Variants in CTNNA3 observed in about 807,000 individuals in gnomAD.
CTNNA3 encodes the protein catenin alpha-3.
A neutral mutation model predicts 95.7 loss-of-function variants in CTNNA3; 76 were observed. The observed-to-expected ratio is 0.79, with a 90% CI of 0.66 to 0.96. The LOEUF (loss-of-function observed/expected upper bound fraction) is 0.96, where lower values mean the gene tolerates loss of function less well. CTNNA3 is among the 40% of genes least tolerant of loss of function. The pLI is 0.00. For synonymous variants in CTNNA3, 431 were observed against 374.4 expected (o/e 1.15, Z -1.74); for missense variants, 1,191 against 1,089.8 (o/e 1.09, Z -1.31).
chr10:67,117,756 T>G (rs1366004222), intron 7 of CTNNA3, among the ~76,000 whole-genome samples: 1 of 152,016 alleles, frequency 6.6e-6, no homozygotes, highest in East Asian at 1.9e-4. Context: ...AAAAGTTTGA[T>G]AGTAAAATCA....
At chr10:66,702,772 C>G (rs1336513597) in intron 9 of CTNNA3, among the ~76,000 whole-genome samples, 1 of 137,764 alleles carries the variant, frequency 7.3e-6, no homozygotes, top group South Asian at 2.2e-4. Context: ...TAGCCATCGT[C>G]GTCGTCGTTG....
At chr10:67,726,702 T>TTATA (rs1564841433) in intron 1 of CTNNA3, among the ~76,000 whole-genome samples, 14 of 1,942 alleles carry the variant, frequency 7.2e-3, no homozygotes, top group Admixed American at 0.045. Context: ...TTATATATAA[T>TTATA]ATATATCATA....
chr10:67,352,138 G>A (rs1184617695), intron 5 of CTNNA3, among the ~76,000 whole-genome samples: 1 of 151,970 alleles, frequency 6.6e-6, no homozygotes, highest in African/African-American at 2.4e-5. Flanking sequence ...ATCTAAGTGT[G>A]ATGATAGAAG....
intron 7 of CTNNA3, among the ~76,000 whole-genome samples, chr10:66,906,921 T>A (rs1315352261): frequency 2.0e-5 from 3 of 152,088 alleles, no homozygotes; most frequent in African/African-American, 7.2e-5. Flanking sequence ...GAGCGACACA[T>A]ACAGGGAAGT....
intron 15 of CTNNA3, among the ~76,000 whole-genome samples, chr10:66,028,823 T>C (rs1283399620): frequency 6.6e-6 from 1 of 151,952 alleles, no homozygotes; most frequent in Non-Finnish European, 1.5e-5. Flanking sequence ...TAAACCCAAA[T>C]AAAATTCTCC....
intron 7 of CTNNA3, among the ~76,000 whole-genome samples, chr10:66,843,984 A>G (rs544975264): frequency 6.6e-6 from 1 of 152,338 alleles, no homozygotes; most frequent in East Asian, 1.9e-4. Flanking sequence ...TTGGAGAACA[A>G]TAATATCTCT....
chr10:66,739,357 C>A (rs1257012896), intron 9 of CTNNA3, among the ~76,000 whole-genome samples: 1 of 152,176 alleles, frequency 6.6e-6, no homozygotes, highest in Admixed American at 6.5e-5. Flanking sequence ...GATGCTGATG[C>A]TGCTGCTCTG....
At chr10:66,721,202 G>A (rs1848618391) in intron 9 of CTNNA3, among the ~76,000 whole-genome samples, 1 of 152,096 alleles carries the variant, frequency 6.6e-6, no homozygotes, top group Non-Finnish European at 1.5e-5. Context: ...GGTGTGGAAG[G>A]CATTTTCTGG....
chr10:66,566,741 A>C (rs999154618), intron 10 of CTNNA3, among the ~76,000 whole-genome samples: 3 of 151,922 alleles, frequency 2.0e-5, no homozygotes, highest in African/African-American at 7.3e-5. Context: ...AATCATCCAA[A>C]AATGTCAAAA....
intron 17 of CTNNA3, among the ~76,000 whole-genome samples, chr10:65,958,453 TAGG>T (rs1564540229): frequency 1.3e-5 from 2 of 152,206 alleles, no homozygotes; most frequent in African/African-American, 2.4e-5. Flanking sequence ...CGTTCCTTTG[TAGG>T]AGAAGAGATG....
rs903642584 is a variant in CTNNA3, at chr10:66,494,172, T to C, written c.1531+26445A>G. Among the ~76,000 whole-genome samples, 7 of 152,082 alleles carry C rather than the reference T, an allele frequency of 4.6e-5. 1 individual carries two copies. The South Asian group carries it at 1.5e-3, about 32-fold the overall frequency. On this transcript the variant is annotated intron_variant, in intron 11 of 17. Transcript: ENST00000433211. ...ATCCACCCGCCTCGACCTCCCAAAG[T>C]GCTGGGATTACAGGCGTGAGCCACT...
intron 5 of CTNNA3, among the ~76,000 whole-genome samples, chr10:67,267,024 T>C (rs145205082): frequency 1.3e-5 from 2 of 152,322 alleles, no homozygotes; most frequent in South Asian, 4.1e-4. Context: ...CATGCTTTTT[T>C]ACTTCAGATA....
intron 12 of CTNNA3, among the ~76,000 whole-genome samples, chr10:66,314,149 C>T (rs564212638): frequency 6.6e-6 from 1 of 152,204 alleles, no homozygotes; most frequent in East Asian, 1.9e-4. Flanking sequence ...CATCATAGCT[C>T]ACATGTTCTT....
At chr10:67,197,698 G>A (rs10159754) in intron 6 of CTNNA3, among the ~76,000 whole-genome samples, 4,127 of 152,096 alleles carry the variant, frequency 0.027, 135 homozygotes, top group African/African-American at 0.089. Flanking sequence ...ACCAACTAAA[G>A]ATGTTCTTGG....
intron 7 of CTNNA3, among the ~76,000 whole-genome samples, chr10:66,843,992 T>G (rs1843162020): frequency 6.6e-6 from 1 of 152,224 alleles, no homozygotes; most frequent in Non-Finnish European, 1.5e-5. Flanking sequence ...CAATAATATC[T>G]CTATTATAGC....
intron 13 of CTNNA3, among the ~76,000 whole-genome samples, chr10:66,237,331 G>T (rs183971354): frequency 3.9e-4 from 60 of 152,210 alleles, no homozygotes; most frequent in African/African-American, 1.4e-3. Context: ...TCTGTGGCTT[G>T]CTACTTGAAA....
At chr10:67,250,653 G>A (rs1866073575) in intron 5 of CTNNA3, among the ~76,000 whole-genome samples, 1 of 152,160 alleles carries the variant, frequency 6.6e-6, no homozygotes, top group Non-Finnish European at 1.5e-5. Flanking sequence ...ACTGTTGGTT[G>A]AATCTGTGAA....
chr10:66,438,404 G>A (rs1288991677), intron 11 of CTNNA3, among the ~76,000 whole-genome samples: 1 of 152,220 alleles, frequency 6.6e-6, no homozygotes, highest in Non-Finnish European at 1.5e-5. Flanking sequence ...GCCCAGAAAG[G>A]AGGAATCTAG....
chr10:66,725,751 A>G (rs1564641903), intron 9 of CTNNA3, among the ~76,000 whole-genome samples: 1 of 152,084 alleles, frequency 6.6e-6, no homozygotes, highest in East Asian at 1.9e-4. Context: ...TGCATGAAGC[A>G]ATGGTCCAAA....
Sources: allele counts gnomAD v4.1 joint callset (sites outside exome capture counted in the v4.1 genomes callset), GRCh38; gene constraint gnomAD v4.1.1; transcripts MANE v1.5; gene names NCBI Gene and HGNC (gene_info 2026-07-23, HGNC 2026-07-21).